AGMO: variants seen among roughly 807,000 people sequenced by gnomAD.
AGMO encodes glyceryl-ether monooxygenase.
Under a neutral mutation model 60.2 loss-of-function variants are expected in AGMO, and 75 were observed. That is an observed-to-expected ratio of 1.25 (90% CI 1.03 to 1.51). The LOEUF is 1.51. AGMO is among the 40% of genes most tolerant of loss of function. The pLI, the probability that AGMO is intolerant of heterozygous loss-of-function variation, is 0.00. For missense variants in AGMO, 763 were observed against 525.5 expected, an observed-to-expected ratio of 1.45 and a Z score of -4.42; for synonymous variants, 261 against 177.1, an observed-to-expected ratio of 1.47 and a Z score of -3.76.
At chr7:15,546,873 T>C (rs1339199538) in intron 2 of AGMO, among the ~76,000 whole-genome samples, 1 of 152,242 alleles carries the variant, frequency 6.6e-6, no homozygotes, top group African/African-American at 2.4e-5. Flanking sequence ...TGCTGACATT[T>C]GGACAGGATA....
chr7:15,359,650 T>C (rs1052515884), intron 12 of AGMO, among the ~76,000 whole-genome samples: 8 of 152,204 alleles, frequency 5.3e-5, no homozygotes, highest in African/African-American at 1.9e-4. Flanking sequence ...GCCATCATTT[T>C]ATTTATCCTA....
intron 10 of AGMO, among the ~76,000 whole-genome samples, chr7:15,373,853 G>T (rs934802353): frequency 6.6e-6 from 1 of 152,076 alleles, no homozygotes; most frequent in Non-Finnish European, 1.5e-5. Context: ...GCCTGACAAG[G>T]TCTACAAAAG....
chr7:15,457,974 A>T (rs1782042193), intron 3 of AGMO, among the ~76,000 whole-genome samples: 1 of 152,304 alleles, frequency 6.6e-6, no homozygotes, highest in African/African-American at 2.4e-5. Flanking sequence ...TTGCATAAAA[A>T]CTATTCATAA....
At chr7:15,147,318 G>T in the AGMO span, among the ~76,000 whole-genome samples, 1 of 152,128 alleles carries the variant, frequency 6.6e-6, no homozygotes, top group Non-Finnish European at 1.5e-5. Context: ...AATGGACTCA[G>T]TTAAGTCCAC....
chr7:15,315,328 CTTT>C (rs1178276622), intron 12 of AGMO, among the ~76,000 whole-genome samples: 1 of 48,182 alleles, frequency 2.1e-5, no homozygotes, highest in African/African-American at 7.6e-5. Context: ...TGGATATTTG[CTTT>C]TTTTTTTTTT....
At chr7:15,325,318 A>C (rs1563088469) in intron 12 of AGMO, among the ~76,000 whole-genome samples, 1 of 152,160 alleles carries the variant, frequency 6.6e-6, no homozygotes, top group African/African-American at 2.4e-5. Context: ...ACACATATCT[A>C]AATAATTATA....
At chr7:15,548,614 G>GA (rs1397466859) in intron 2 of AGMO, among the ~76,000 whole-genome samples, 1 of 151,988 alleles carries the variant, frequency 6.6e-6, no homozygotes, top group African/African-American at 2.4e-5. Flanking sequence ...GAAGTTTAGA[G>GA]AAAAAATAAT....
intron 12 of AGMO, among the ~76,000 whole-genome samples, chr7:15,328,376 C>A (rs79858717): frequency 6.6e-6 from 1 of 152,106 alleles, no homozygotes; most frequent in Non-Finnish European, 1.5e-5. Flanking sequence ...GGATTACAGG[C>A]GTGAGCCACC....
At chr7:15,474,770 A>G (rs554117016) in intron 3 of AGMO, among the ~76,000 whole-genome samples, 6 of 152,264 alleles carry the variant, frequency 3.9e-5, no homozygotes, top group African/African-American at 1.4e-4. Flanking sequence ...AACCTACAGA[A>G]TAGGAGAAAA....
chr7:15,295,737 T>C (rs946567946), intron 12 of AGMO, among the ~76,000 whole-genome samples: 3 of 152,142 alleles, frequency 2.0e-5, no homozygotes, highest in African/African-American at 7.2e-5. Context: ...AGAATGTTCA[T>C]AACCCTTGAC....
chr7:15,230,868 T>C (rs374783313), intron 12 of AGMO, among the ~76,000 whole-genome samples: 19 of 152,252 alleles, frequency 1.2e-4, no homozygotes, highest in African/African-American at 3.6e-4. Flanking sequence ...GCTCATCCCA[T>C]TGGCCCTCAA....
At chr7:15,414,735 T>A (rs1374529070) in intron 5 of AGMO, among the ~76,000 whole-genome samples, 1 of 152,208 alleles carries the variant, frequency 6.6e-6, no homozygotes, top group African/African-American at 2.4e-5. Flanking sequence ...TACAAATGTG[T>A]GAATAATGCA....
At position 15,387,551 on chromosome 7, in the gene AGMO, T is replaced by TA. The variant is rs58741316; in HGVS notation, c.823-12dup. ...AAATAAGTGATGGAACTAGAAACAA[T>TA]AAAAAAAGAGCTTATTTCACATAAG... On this transcript the variant is annotated splice_polypyrimidine_tract_variant and intron_variant, in intron 8 of 12. Coordinates refer to ENST00000342526, the MANE Select transcript of AGMO (RefSeq NM_001004320.2). 0.047 allele frequency: 74,136 copies of TA among 1,585,794 alleles called. 7,827 individuals are homozygous for TA. The highest frequency in any genetic ancestry group is 0.43 in the African/African-American group (31,252 of 72,288).
the AGMO span, among the ~76,000 whole-genome samples, chr7:15,151,624 A>G: frequency 4.6e-5 from 7 of 152,108 alleles, no homozygotes; most frequent in African/African-American, 1.7e-4. Flanking sequence ...TTTGAGAAAT[A>G]TTCCTGGTGT....
chr7:15,277,965 G>C (rs969059398), intron 12 of AGMO, among the ~76,000 whole-genome samples: 5 of 152,180 alleles, frequency 3.3e-5, no homozygotes, highest in Admixed American at 2.0e-4. Flanking sequence ...TCTCTGTGGA[G>C]GTGAGGGGTC....
At chr7:15,421,909 A>G (rs1025994019) in intron 4 of AGMO, among the ~76,000 whole-genome samples, 1 of 152,176 alleles carries the variant, frequency 6.6e-6, no homozygotes, top group Non-Finnish European at 1.5e-5. Context: ...GAAGTCAGAA[A>G]GAGTTGCAGT....
chr7:15,185,710 C>A, the AGMO span, among the ~76,000 whole-genome samples: 2 of 152,254 alleles, frequency 1.3e-5, no homozygotes, highest in South Asian at 4.2e-4. Flanking sequence ...AGTCCAAAAC[C>A]CTGGCTGAGG....
At chr7:15,158,300 G>A in the AGMO span, among the ~76,000 whole-genome samples, 9 of 152,248 alleles carry the variant, frequency 5.9e-5, no homozygotes, top group East Asian at 1.7e-3. Flanking sequence ...AGTGTGAGCA[G>A]CACTGCTATA....
intron 12 of AGMO, among the ~76,000 whole-genome samples, chr7:15,248,222 A>ATATCTATCTATC (rs1171274422): frequency 3.8e-5 from 4 of 104,210 alleles, no homozygotes; most frequent in African/African-American, 1.5e-4. Flanking sequence ...ATATATATAT[A>ATATCTATCTATC]TATCTTCATC....
Sources: allele counts gnomAD v4.1 joint callset (sites outside exome capture counted in the v4.1 genomes callset), GRCh38; gene constraint gnomAD v4.1.1; transcripts MANE v1.5; gene names NCBI Gene and HGNC (gene_info 2026-07-23, HGNC 2026-07-21).